ERI1: variants seen among roughly 807,000 people sequenced by gnomAD.
The protein encoded by ERI1 is exoribonuclease 1.
Under a neutral mutation model 39.7 loss-of-function variants are expected in ERI1, and 39 were observed. The ratio of observed to expected loss-of-function variants is 0.98; its 90% CI spans 0.76 to 1.28. The LOEUF (loss-of-function observed/expected upper bound fraction) is 1.28, where lower values mean the gene tolerates loss of function less well. Ranked by LOEUF, ERI1 falls within the 50% of genes most tolerant of loss-of-function variation. The pLI, the probability that ERI1 is intolerant of heterozygous loss-of-function variation, is 0.00. For synonymous variants in ERI1, 204 were observed against 149.6 expected (o/e 1.36, Z -2.65); for missense variants, 581 against 416.9 (o/e 1.39, Z -3.43).
chr8:9,006,458 A>G (rs552742391), intron 1 of ERI1, among the ~76,000 whole-genome samples: 2 of 152,342 alleles, frequency 1.3e-5, no homozygotes, highest in East Asian at 3.9e-4. Context: ...AATCTGCTTA[A>G]ATTAACTGAG....
chr8:9,037,119 T>G (rs1317523614), downstream of ERI1, among the ~76,000 whole-genome samples: 2 of 152,192 alleles, frequency 1.3e-5, no homozygotes. Flanking sequence ...AAAATGTTGC[T>G]TTGCACACTG....
chr8:9,027,136 G>GGTGTGTGTGTGTGTGT lies in ERI1; in HGVS notation c.808-2644_808-2643insGTGTGTGTGTGTGTGT, dbSNP rs780775904. Among the ~76,000 whole-genome samples the GGTGTGTGTGTGTGTGT allele has an allele frequency of 2.1e-3, 284 of 137,588 alleles. 2 individuals carry two copies. Among genetic ancestry groups the GGTGTGTGTGTGTGTGT allele is most frequent in the South Asian group, 3.6e-3 (13 of 3,608 alleles). 90.3% of individuals were successfully genotyped at this position (137,588 alleles called of 152,430 possible). On this transcript the variant is annotated intron_variant, in intron 6 of 6. Coordinates refer to ENST00000250263, the MANE Select transcript of ERI1 (RefSeq NM_153332.4). ...TCTCTGTCAATGCTTGTTATTTTCT[G>GGTGTGTGTGTGTGTGT]GTGTGTGTGTGTATGTGTGTGTGTG... is the stretch of plus-strand genomic sequence containing the variant.
chr8:9,025,303 C>T (rs1214911721), intron 6 of ERI1, among the ~76,000 whole-genome samples: 3 of 152,160 alleles, frequency 2.0e-5, no homozygotes, highest in Non-Finnish European at 4.4e-5. Context: ...TTAAGGTTTT[C>T]TGTTGTAACA....
chr8:9,009,783 C>T lies in ERI1; in HGVS notation c.287+1635C>T, dbSNP rs192872833. On this transcript the variant is annotated intron_variant, in intron 2 of 6. Transcript: ENST00000250263. ...TCGAGCTCCAGCTCAAGTGATTCAC[C>T]CCCCTCCCAAAGTGCTGAGATTATA... Among the ~76,000 whole-genome samples the T allele has an allele frequency of 1.1e-4, 17 of 152,286 alleles. No individual in the cohort carries two copies. The East Asian group carries it at 2.9e-3, about 26-fold the overall frequency.
At chr8:9,010,543 TAGAA>T (rs1388745262) in intron 2 of ERI1, among the ~76,000 whole-genome samples, 4 of 152,232 alleles carry the variant, frequency 2.6e-5, no homozygotes, top group Non-Finnish European at 4.4e-5. Flanking sequence ...AATTGTATTT[TAGAA>T]AGGAAAATAA....
chr8:9,074,426 A>G (rs988675158), intron 3 of ERI1, among the ~76,000 whole-genome samples: 11 of 151,646 alleles, frequency 7.3e-5, no homozygotes, highest in Non-Finnish European at 4.4e-5. Context: ...CACCTGATCC[A>G]TATTTTTAAA....
At chr8:9,087,698 A>G (rs998915873) in intron 3 of ERI1, among the ~76,000 whole-genome samples, 1 of 152,304 alleles carries the variant, frequency 6.6e-6, no homozygotes, top group East Asian at 1.9e-4. Flanking sequence ...ATAAATTTAG[A>G]TCCCCTACTT....
rs894219237 is a variant in ERI1 at position 9,032,143 on chromosome 8, T to C, written c.*2109T>C. On this transcript the variant is annotated 3_prime_UTR_variant, in exon 7 of 7. Coordinates refer to ENST00000250263, the MANE Select transcript of ERI1 (RefSeq NM_153332.4). ...TTTGCTGATGAGATGATACTAAACATTGAGAGTACTGCTTTTTACTCTGAC... is the reference window on the plus strand; with the variant it reads ...TTTGCTGATGAGATGATACTAAACACTGAGAGTACTGCTTTTTACTCTGAC... 1.3e-5 allele frequency: 2 copies of C among 152,238 alleles called. No homozygotes were observed. Among genetic ancestry groups the C allele is most frequent in the African/African-American group, 4.8e-5 (2 of 41,454 alleles). 9.4% of individuals were successfully genotyped at this position (152,238 alleles called of 1,614,324 possible). A position where few individuals can be genotyped will look rare whatever the true frequency, so the allele number is the denominator to read the frequency against.
chr8:9,039,802 A>T (rs549324588), intron 3 of ERI1, among the ~76,000 whole-genome samples: 1 of 152,314 alleles, frequency 6.6e-6, no homozygotes, highest in South Asian at 2.1e-4. Flanking sequence ...TTCTGTTAAG[A>T]GGTAGTAAAT....
chr8:9,083,061 A>C (rs915854365), intron 3 of ERI1, among the ~76,000 whole-genome samples: 1 of 152,210 alleles, frequency 6.6e-6, no homozygotes. Context: ...TTTGCTATTT[A>C]TCTGAAATTT....
intron 3 of ERI1, chr8:9,096,652 G>A (rs1327863764): frequency 6.8e-6 from 1 of 147,700 alleles, no homozygotes; most frequent in African/African-American, 2.5e-5. Flanking sequence ...AGGCCTAAGT[G>A]ATCCAAAGTC....
chr8:9,043,831 G>A (rs112595378), intron 3 of ERI1, among the ~76,000 whole-genome samples: 1 of 152,176 alleles, frequency 6.6e-6, no homozygotes, highest in Non-Finnish European at 1.5e-5. Flanking sequence ...GGGACTACAG[G>A]CCATAATTGT....
intron 3 of ERI1, among the ~76,000 whole-genome samples, chr8:9,054,635 C>T (rs757911837): frequency 1.6e-4 from 25 of 152,212 alleles, no homozygotes; most frequent in African/African-American, 9.6e-5. Flanking sequence ...CACGTAGAAA[C>T]GTGATTGGGC....
Position 9,011,568 on chromosome 8 carries a change from G to C in ERI1, c.314G>C (p.Arg105Thr). ...TRGVKDVLKK[R>T]LKNYYKKQKL... ...GGAGTAAAGGATGTTCTAAAGAAGAGACTGAAAAACTATTATAAGAAGCAG... is the reference window on the plus strand; with the variant it reads ...GGAGTAAAGGATGTTCTAAAGAAGACACTGAAAAACTATTATAAGAAGCAG... The change falls in exon 3 of 7, where the codon AGA becomes ACA. Residue 105 changes from arginine (R) to threonine (T), a missense_variant. Transcript: ENST00000250263. 6.2e-7 allele frequency: 1 copy of C among 1,611,188 alleles called. No homozygotes were observed. The highest frequency in any genetic ancestry group is 1.1e-5 in the South Asian group (1 of 90,698).
At chr8:9,093,082 C>G (rs1366197999) in intron 3 of ERI1, among the ~76,000 whole-genome samples, 2 of 152,222 alleles carry the variant, frequency 1.3e-5, no homozygotes, top group Non-Finnish European at 2.9e-5. Flanking sequence ...CATATTAGAT[C>G]AAGTCCCACC....
chr8:9,086,147 C>T (rs1164436608), intron 3 of ERI1, among the ~76,000 whole-genome samples: 2 of 152,180 alleles, frequency 1.3e-5, no homozygotes, highest in African/African-American at 4.8e-5. Flanking sequence ...GGTGTGGTGG[C>T]TCACACCTAT....
At chr8:9,048,297 C>A (rs577529201) in intron 3 of ERI1, 20 of 154,252 alleles carry the variant, frequency 1.3e-4, no homozygotes, top group African/African-American at 4.3e-4. Flanking sequence ...GACTGAAAAT[C>A]ACTGCATTAG....
At chr8:9,023,965 A>AT (rs1197380320) in intron 6 of ERI1, among the ~76,000 whole-genome samples, 2 of 151,412 alleles carry the variant, frequency 1.3e-5, no homozygotes, top group African/African-American at 2.4e-5. Context: ...CGTCTGGCTG[A>AT]TTTTTTTGTA....
intron 3 of ERI1, among the ~76,000 whole-genome samples, chr8:9,081,418 C>G (rs190613802): frequency 6.6e-6 from 1 of 152,302 alleles, no homozygotes; most frequent in Admixed American, 6.5e-5. Flanking sequence ...TTATACTAGT[C>G]TGGTTACTTT....
Sources: allele counts gnomAD v4.1 joint callset (sites outside exome capture counted in the v4.1 genomes callset), GRCh38; gene constraint gnomAD v4.1.1; transcripts MANE v1.5; gene names NCBI Gene and HGNC (gene_info 2026-07-23, HGNC 2026-07-21).